PALLD: variants seen among roughly 807,000 people sequenced by gnomAD.
The protein encoded by PALLD is palladin.
Under a neutral mutation model 123.5 loss-of-function variants are expected in PALLD, and 61 were observed. The ratio of observed to expected loss-of-function variants is 0.49; its 90% CI spans 0.40 to 0.61. The LOEUF (loss-of-function observed/expected upper bound fraction) is 0.61, where lower values mean the gene tolerates loss of function less well. Among genes scored for constraint, PALLD ranks in the 20% least tolerant of loss-of-function variants. The pLI, the probability that PALLD is intolerant of heterozygous loss-of-function variation, is 0.00. For missense variants in PALLD, 1,273 were observed against 1,377.0 expected (o/e 0.92, Z 1.20); for synonymous variants, 465 against 496.4 (o/e 0.94, Z 0.84).
intron 10 of PALLD, among the ~76,000 whole-genome samples, chr4:168,840,620 A>G (rs1471139996): frequency 1.3e-5 from 2 of 152,238 alleles, no homozygotes; most frequent in Non-Finnish European, 2.9e-5. Flanking sequence ...GTACAAATGA[A>G]CAACGTAGTC....
At chr4:168,854,358 A>G (rs2150994859) in intron 10 of PALLD, among the ~76,000 whole-genome samples, 1 of 152,328 alleles carries the variant, frequency 6.6e-6, no homozygotes, top group Non-Finnish European at 1.5e-5. Flanking sequence ...TTAGACTGGA[A>G]TGTTACAATT....
chr4:168,850,062 C>T (rs180809182), intron 10 of PALLD, among the ~76,000 whole-genome samples: 3 of 152,064 alleles, frequency 2.0e-5, no homozygotes, highest in Admixed American at 2.0e-4. Flanking sequence ...TTTAATCCTC[C>T]CTTATACTCA....
At chr4:168,617,380 G>C (rs1209650101) in intron 2 of PALLD, among the ~76,000 whole-genome samples, 2 of 152,128 alleles carry the variant, frequency 1.3e-5, no homozygotes, top group Non-Finnish European at 2.9e-5. Flanking sequence ...GAACCTGCCT[G>C]GTACTGATAA....
At chr4:168,777,969 G>T (rs1253723300) in intron 10 of PALLD, among the ~76,000 whole-genome samples, 1 of 152,138 alleles carries the variant, frequency 6.6e-6, no homozygotes, top group Non-Finnish European at 1.5e-5. Flanking sequence ...AGAACCCAGA[G>T]GGGGCACCAG....
rs1560894892 is a variant in PALLD, at chr4:168,905,138, G to GTTTTTTGTTT, written c.2622+1238_2622+1239insGTTTTTTTTT. ...TGAGACTTTGTTTTTTGTTTTGTTG[G>GTTTTTTGTTT]TTTTTTTTTTTTTTTTTTTTTTTTT... On this transcript the variant is annotated intron_variant, in intron 15 of 21. Coordinates refer to ENST00000505667, the MANE Select transcript of PALLD (RefSeq NM_001166108.2). Among the ~76,000 whole-genome samples, 53 of 34,532 alleles carry GTTTTTTGTTT rather than the reference G, an allele frequency of 1.5e-3. 3 individuals carry two copies. The highest frequency in any genetic ancestry group is 2.3e-3 in the Non-Finnish European group (33 of 14,180). 22.7% of individuals were successfully genotyped at this position (34,532 alleles called of 152,430 possible).
chr4:168,721,792 G>T (rs924026383), intron 10 of PALLD, among the ~76,000 whole-genome samples: 1 of 152,104 alleles, frequency 6.6e-6, no homozygotes, highest in African/African-American at 2.4e-5. Flanking sequence ...GAATGCTCTG[G>T]CACTGAATGT....
chr4:168,627,515 TATAGATAG>T (rs1775416421), intron 2 of PALLD, among the ~76,000 whole-genome samples: 1 of 151,916 alleles, frequency 6.6e-6, no homozygotes, highest in Non-Finnish European at 1.5e-5. Flanking sequence ...GTCTCCAACA[TATAGATAG>T]ATAGATAAAT....
At chr4:168,742,628 CCCAA>C (rs1304695940) in intron 10 of PALLD, among the ~76,000 whole-genome samples, 1 of 152,112 alleles carries the variant, frequency 6.6e-6, no homozygotes, top group African/African-American at 2.4e-5. Context: ...AACAGTGTTT[CCCAA>C]CTATGGTGAA....
At chr4:168,832,247 C>T (rs1744346303) in intron 10 of PALLD, 5 of 956,036 alleles carry the variant, frequency 5.2e-6, no homozygotes, top group Non-Finnish European at 6.2e-6. Context: ...GCAGGGTGGG[C>T]CGCGAGTCGG....
At chr4:168,612,767 T>C (rs942142450) in intron 2 of PALLD, among the ~76,000 whole-genome samples, 1 of 152,202 alleles carries the variant, frequency 6.6e-6, no homozygotes, top group Non-Finnish European at 1.5e-5. Context: ...GAGGGACTCA[T>C]GCTGTGCTTA....
intron 10 of PALLD, among the ~76,000 whole-genome samples, chr4:168,778,465 AGCTTGCATCTTT>A (rs1017526116): frequency 2.6e-5 from 4 of 152,176 alleles, no homozygotes; most frequent in Admixed American, 2.0e-4. Flanking sequence ...TAGAGGCTTA[AGCTTGCATCTTT>A]GCTTGTGTGT....
chr4:168,539,974 C>A (rs1351533055), intron 2 of PALLD, among the ~76,000 whole-genome samples: 1 of 152,018 alleles, frequency 6.6e-6, no homozygotes, highest in African/African-American at 2.4e-5. Flanking sequence ...CCTCCCTCCC[C>A]CTTCTAGTAA....
intron 2 of PALLD, among the ~76,000 whole-genome samples, chr4:168,514,583 T>C (rs1157977940): frequency 6.6e-6 from 1 of 152,240 alleles, no homozygotes; most frequent in Non-Finnish European, 1.5e-5. Context: ...CATGAAGAAT[T>C]TGTTTCTTAC....
At chr4:168,554,534 A>G (rs1767073741) in intron 2 of PALLD, among the ~76,000 whole-genome samples, 3 of 152,190 alleles carry the variant, frequency 2.0e-5, no homozygotes. Flanking sequence ...AATGCATGTT[A>G]CCTGTATTTT....
intron 3 of PALLD, among the ~76,000 whole-genome samples, chr4:168,671,831 T>A (rs1780313721): frequency 1.3e-5 from 2 of 152,216 alleles, no homozygotes; most frequent in Admixed American, 1.3e-4. Context: ...ACATCAGCTG[T>A]CGTTGGCAGC....
chr4:168,715,359 C>G (rs1425208552), intron 10 of PALLD, among the ~76,000 whole-genome samples: 1 of 152,188 alleles, frequency 6.6e-6, no homozygotes, highest in Non-Finnish European at 1.5e-5. Context: ...CGCCTTACCA[C>G]CCGCTGTGGG....
At chr4:168,613,015 A>G (rs1349935401) in intron 2 of PALLD, among the ~76,000 whole-genome samples, 1 of 152,230 alleles carries the variant, frequency 6.6e-6, no homozygotes, top group African/African-American at 2.4e-5. Flanking sequence ...TGCTTCCTGA[A>G]TACCTTTTCC....
rs572135250 is a variant in PALLD, at chr4:168,517,040, T to C, written c.908+4628T>C. ...TGCCAAGGAGCTTGGCAATTGGCCATTGGAAAAGTCCAGGCTGACGCACAG... is the reference window on the plus strand; with the variant it reads ...TGCCAAGGAGCTTGGCAATTGGCCACTGGAAAAGTCCAGGCTGACGCACAG... On this transcript the variant is annotated intron_variant, in intron 2 of 21. Transcript: ENST00000505667. 8.6e-4 allele frequency among the ~76,000 whole-genome samples: 131 copies of C among 152,240 alleles called. 1 individual carries two copies. Among genetic ancestry groups the C allele is most frequent in the African/African-American group, 3.0e-3 (125 of 41,532 alleles).
In PALLD at chr4:168,604,419, G is replaced by A. The variant is rs1772965744; in HGVS notation, c.909-63771G>A. Among the ~76,000 whole-genome samples the A allele has an allele frequency of 2.0e-5, 3 of 152,048 alleles. No individual in the cohort carries two copies. The South Asian group carries it at 6.2e-4, about 32-fold the overall frequency. On this transcript the variant is annotated intron_variant, in intron 2 of 21. Coordinates refer to ENST00000505667, the MANE Select transcript of PALLD (RefSeq NM_001166108.2). ...AAAATCTCATAAAATCTCATACATG[G>A]AACACGTAACATGGCCAGTTTAACA...
Sources: allele counts gnomAD v4.1 joint callset (sites outside exome capture counted in the v4.1 genomes callset), GRCh38; gene constraint gnomAD v4.1.1; transcripts MANE v1.5; gene names NCBI Gene and HGNC (gene_info 2026-07-23, HGNC 2026-07-21).